The following FSTL5 variants were observed in gnomAD, a reference collection of about 807,000 sequenced individuals.
FSTL5 encodes follistatin-related protein 5.
FSTL5 carries 62 observed loss-of-function variants against 89.1 expected under a neutral mutation model. The observed-to-expected ratio is 0.70, with a 90% CI of 0.57 to 0.86. The LOEUF (loss-of-function observed/expected upper bound fraction) is 0.86, where lower values mean the gene tolerates loss of function less well. Among genes scored for constraint, FSTL5 ranks in the 40% least tolerant of loss-of-function variants. FSTL5 has a pLI of 0.00. For missense variants in FSTL5, 1,057 were observed against 1,001.6 expected (o/e 1.06, Z -0.75); for synonymous variants, 383 against 346.2 (o/e 1.11, Z -1.18).
At chr4:161,613,029 G>C (rs1734705351) in intron 7 of FSTL5, among the ~76,000 whole-genome samples, 3 of 152,096 alleles carry the variant, frequency 2.0e-5, no homozygotes, top group African/African-American at 7.2e-5. Context: ...GATAGTAAGA[G>C]ATCTTTTAGC....
chr4:161,690,846 CTA>C (rs1737917423), intron 6 of FSTL5, among the ~76,000 whole-genome samples: 1 of 152,012 alleles, frequency 6.6e-6, no homozygotes, highest in African/African-American at 2.4e-5. Context: ...GTTATTCCTT[CTA>C]TGTTTCCATG....
intron 8 of FSTL5, among the ~76,000 whole-genome samples, chr4:161,561,775 C>T (rs1274214291): frequency 1.3e-5 from 2 of 151,998 alleles, no homozygotes; most frequent in Non-Finnish European, 2.9e-5. Flanking sequence ...TCTTTTTCTT[C>T]TACATTTCCA....
intron 7 of FSTL5, among the ~76,000 whole-genome samples, chr4:161,602,833 G>C (rs923660509): frequency 2.0e-5 from 3 of 152,110 alleles, no homozygotes; most frequent in Non-Finnish European, 2.9e-5. Context: ...TGTAGTATCA[G>C]AGAAAATCAA....
At chr4:161,765,950 A>G (rs1740982815) in intron 5 of FSTL5, among the ~76,000 whole-genome samples, 1 of 151,932 alleles carries the variant, frequency 6.6e-6, no homozygotes, top group South Asian at 2.1e-4. Flanking sequence ...GCTCGCCACC[A>G]TGCCCGGCTA....
chr4:161,947,350 T>C (rs2110941431), intron 3 of FSTL5, among the ~76,000 whole-genome samples: 1 of 152,258 alleles, frequency 6.6e-6, no homozygotes, highest in South Asian at 2.1e-4. Context: ...TTTATATGCT[T>C]TTTCTAGAGG....
chr4:161,991,418 G>A (rs1736109010), intron 3 of FSTL5, among the ~76,000 whole-genome samples: 1 of 152,066 alleles, frequency 6.6e-6, no homozygotes, highest in Admixed American at 6.5e-5. Context: ...TCTGCTGGAA[G>A]ATAGTGATTT....
intron 3 of FSTL5, among the ~76,000 whole-genome samples, chr4:161,976,011 G>A (rs1468571845): frequency 1.3e-5 from 2 of 150,684 alleles, no homozygotes; most frequent in Non-Finnish European, 3.0e-5. Context: ...CCAGCTACTC[G>A]GGAGGCTGAG....
At chr4:161,519,546 A>C (rs2126513548) in intron 10 of FSTL5, among the ~76,000 whole-genome samples, 1 of 152,194 alleles carries the variant, frequency 6.6e-6, no homozygotes, top group Admixed American at 6.5e-5. Flanking sequence ...AAAACAAAAC[A>C]AAAAATAACG....
At chr4:161,921,587 A>G (rs2110866300) in intron 3 of FSTL5, among the ~76,000 whole-genome samples, 1 of 152,284 alleles carries the variant, frequency 6.6e-6, no homozygotes, top group Admixed American at 6.5e-5. Context: ...ATGTATTGCA[A>G]AAAAGAAATA....
At chr4:162,103,881 T>C (rs1731101667) in intron 2 of FSTL5, among the ~76,000 whole-genome samples, 1 of 152,176 alleles carries the variant, frequency 6.6e-6, no homozygotes, top group Admixed American at 6.5e-5. Flanking sequence ...TAGCCAATCA[T>C]CTATTGCCTG....
rs545002459 is a variant in FSTL5, at chr4:161,501,971, C to T, written c.1340-1837G>A. Among the ~76,000 whole-genome samples, 3 of 151,956 alleles carry T rather than the reference C, an allele frequency of 2.0e-5. No homozygotes were observed. The Middle Eastern group carries it at 0.01, about 517-fold the overall frequency. ...GTTGAAACTTATGAACATAACAAAA[C>T]CATAATGTGGTGTCTGATTTTCATT... On this transcript the variant is annotated intron_variant, in intron 11 of 15. Coordinates refer to ENST00000306100, the MANE Select transcript of FSTL5 (RefSeq NM_020116.5).
At chr4:161,550,521 GTATTT>G (rs1039759865) in intron 8 of FSTL5, among the ~76,000 whole-genome samples, 76 of 149,408 alleles carry the variant, frequency 5.1e-4, no homozygotes, top group African/African-American at 1.6e-3. Context: ...ACTTTTTTTT[GTATTT>G]TATTTTATTT....
chr4:162,028,012 T>G (rs909094126), intron 3 of FSTL5, among the ~76,000 whole-genome samples: 5 of 152,164 alleles, frequency 3.3e-5, no homozygotes, highest in African/African-American at 9.6e-5. Context: ...CTTAATTATT[T>G]TTTAAGAATT....
chr4:161,890,787 AT>A (rs1207969757), intron 4 of FSTL5, among the ~76,000 whole-genome samples: 1 of 152,120 alleles, frequency 6.6e-6, no homozygotes, highest in East Asian at 1.9e-4. Context: ...ATCAGTAAAA[AT>A]ATTCATAAAA....
intron 11 of FSTL5, among the ~76,000 whole-genome samples, chr4:161,501,715 T>C (rs17041120): frequency 0.032 from 4,891 of 152,028 alleles, 267 homozygotes; most frequent in African/African-American, 0.11. Flanking sequence ...TGGCAAGCAA[T>C]AGACTCAAGT....
At chr4:162,129,962 A>G (rs1016837137) in intron 1 of FSTL5, among the ~76,000 whole-genome samples, 21 of 152,348 alleles carry the variant, frequency 1.4e-4, no homozygotes, top group Non-Finnish European at 2.9e-5. Flanking sequence ...CTATAAATAT[A>G]TCCTAGGAAG....
intron 4 of FSTL5, among the ~76,000 whole-genome samples, chr4:161,784,766 C>A (rs1408075949): frequency 2.0e-5 from 3 of 151,648 alleles, no homozygotes; most frequent in African/African-American, 7.3e-5. Context: ...TGGTGGCGGG[C>A]GCCTGTAGTC....
chr4:162,091,253 T>C (rs1730538377), intron 2 of FSTL5, among the ~76,000 whole-genome samples: 1 of 152,196 alleles, frequency 6.6e-6, no homozygotes, highest in Non-Finnish European at 1.5e-5. Flanking sequence ...TCTTGCTTGA[T>C]AGATTATCCA....
intron 7 of FSTL5, among the ~76,000 whole-genome samples, chr4:161,627,102 G>A (rs929834804): frequency 6.6e-6 from 1 of 152,190 alleles, no homozygotes. Context: ...GACTTCAATT[G>A]TGAAAGAAAT....
Sources: allele counts gnomAD v4.1 joint callset (sites outside exome capture counted in the v4.1 genomes callset), GRCh38; gene constraint gnomAD v4.1.1; transcripts MANE v1.5; gene names NCBI Gene and HGNC (gene_info 2026-07-23, HGNC 2026-07-21).